The following HIVEP2 variants were observed in gnomAD, a reference collection of about 807,000 sequenced individuals.
HIVEP2 encodes HIVEP zinc finger 2, also known as transcription factor HIVEP2.
A neutral mutation model predicts 180.7 loss-of-function variants in HIVEP2; 14 were observed. That is an observed-to-expected ratio of 0.08 (90% confidence interval 0.05 to 0.12). The LOEUF is 0.12. Among genes scored for constraint, HIVEP2 ranks in the 10% least tolerant of loss-of-function variants. The pLI is 1.00. For missense variants in HIVEP2, 2,579 were observed against 3,008.5 expected (o/e 0.86, Z 3.34); for synonymous variants, 1,184 against 1,136.4 (o/e 1.04, Z -0.84).
chr6:142,870,223 T>A (rs769267891), intron 1 of HIVEP2, among the ~76,000 whole-genome samples: 4 of 152,042 alleles, frequency 2.6e-5, no homozygotes, highest in Non-Finnish European at 5.9e-5. Flanking sequence ...GAAGGACCCA[T>A]GGGTTGGAAT....
chr6:142,868,415 T>C (rs1342591814), intron 1 of HIVEP2, among the ~76,000 whole-genome samples: 1 of 152,190 alleles, frequency 6.6e-6, no homozygotes, highest in African/African-American at 2.4e-5. Context: ...TCGGGCCAAG[T>C]GAAATGTCTA....
intron 8 of HIVEP2, 121 bp from the exon 9 acceptor site, chr6:142,760,788 T>C (rs1383466723): frequency 1.5e-6 from 1 of 684,214 alleles, no homozygotes; most frequent in African/African-American, 1.8e-5. Context: ...GATAGTTATG[T>C]CTGAGAACTC....
At position 142,768,414 on chromosome 6, in the gene HIVEP2, A is replaced by C. The variant is rs1775427948; in HGVS notation, c.5310T>G (p.Thr1770=). Residue 1770 remains threonine (T), a synonymous_variant, in exon 6 of 10, where the codon ACT becomes ACG. Coordinates refer to ENST00000367603, the MANE Select transcript of HIVEP2 (RefSeq NM_006734.4). The part of the protein sequence containing the change: ...HGDKDIGSKQ[T]EPIRIKIFEG... Reference sequence around the variant, plus strand: ...CAAATATTTTAATTCGGATTGGCTCAGTTTGTTTGGATCCAATATCTTTAT... The same window carrying C: ...CAAATATTTTAATTCGGATTGGCTCCGTTTGTTTGGATCCAATATCTTTAT... 1 of 1,611,690 alleles carries C rather than the reference A, an allele frequency of 6.2e-7. No individual in the cohort carries two copies. Among genetic ancestry groups the C allele is most frequent in the Non-Finnish European group, 8.5e-7 (1 of 1,179,260 alleles).
intron 2 of HIVEP2, among the ~76,000 whole-genome samples, chr6:142,806,802 T>A (rs754733538): frequency 2.4e-4 from 37 of 152,278 alleles, no homozygotes; most frequent in African/African-American, 5.3e-4. Flanking sequence ...TCTCATTTAG[T>A]CATCAAAACA....
chr6:142,783,326 CA>C (rs567202980), intron 3 of HIVEP2, among the ~76,000 whole-genome samples, 194 bp downstream of exon 3: 167 of 70,938 alleles, frequency 2.4e-3, no homozygotes, highest in East Asian at 0.01. Flanking sequence ...GACTCCGTCA[CA>C]AAAAAAAAAA....
intron 1 of HIVEP2, among the ~76,000 whole-genome samples, chr6:142,874,579 T>G (rs1242949204): frequency 6.6e-6 from 1 of 152,044 alleles, no homozygotes; most frequent in Admixed American, 6.6e-5. Context: ...GCCTAAGGAC[T>G]AACAACTAGG....
At chr6:142,945,561 G>A (rs1288490597), upstream of HIVEP2, among the ~76,000 whole-genome samples, 11 of 152,102 alleles carry the variant, frequency 7.2e-5, no homozygotes, top group African/African-American at 2.7e-4. This position sits in a 1 kb window ranked among gnomAD's most constrained non-coding sequence, Gnocchi z 5.5. Context: ...CGCGCACCCC[G>A]AGGCTGCACC....
intron 1 of HIVEP2, among the ~76,000 whole-genome samples, chr6:142,913,711 G>A (rs978378331): frequency 6.6e-6 from 1 of 152,200 alleles, no homozygotes; most frequent in Non-Finnish European, 1.5e-5. Context: ...GTGGCCTTCA[G>A]AGGAAGTGAA....
At chr6:142,940,702 C>A (rs185559218) in intron 1 of HIVEP2, among the ~76,000 whole-genome samples, 105 of 152,338 alleles carry the variant, frequency 6.9e-4, no homozygotes, top group African/African-American at 2.5e-3. Context: ...AAGGCCTAAT[C>A]TACAGGAAAT....
chr6:142,755,532 T>C (rs197471), intron 9 of HIVEP2, among the ~76,000 whole-genome samples: 48,464 of 151,990 alleles, frequency 0.32, 8,181 homozygotes, highest in East Asian at 0.55. Context: ...CTGTTTTACT[T>C]CTGGCTGCTA....
Position 142,918,324 on chromosome 6 carries a change from G to T in HIVEP2, c.-641+26775C>A, listed in dbSNP as rs191517658. On this transcript the variant is annotated intron_variant, in intron 1 of 9. Transcript: ENST00000367603. ...GCCTCCCAAAGTGCTGAGATTAAAG[G>T]CCTGAGCCATCGCTCACAGCCCTAT... Among the ~76,000 whole-genome samples, 17 of 152,310 alleles carry T rather than the reference G, an allele frequency of 1.1e-4. No individual in the cohort carries two copies. In the East Asian group the frequency reaches 3.1e-3, roughly 28 times the overall value.
chr6:142,888,450 T>A (rs1776765262), intron 1 of HIVEP2, among the ~76,000 whole-genome samples: 1 of 152,064 alleles, frequency 6.6e-6, no homozygotes, highest in Non-Finnish European at 1.5e-5. Context: ...TATTTTTAAT[T>A]AAAAAAAATT....
chr6:142,925,531 T>C lies in HIVEP2; in HGVS notation c.-641+19568A>G, dbSNP rs117037957. On this transcript the variant is annotated intron_variant, in intron 1 of 9. Transcript: ENST00000367603. ...TTTTGTCAAGGAAAAAGGGAAAAGC[T>C]ACCCCAAAAAGACAAATTTCAAAAA... Among the ~76,000 whole-genome samples, 958 of 152,330 alleles carry C rather than the reference T, an allele frequency of 6.3e-3. 7 individuals carry two copies. Among genetic ancestry groups the C allele is most frequent in the Non-Finnish European group, 0.01 (699 of 68,016 alleles).
At chr6:142,856,380 G>GTACA (rs78624338) in intron 1 of HIVEP2, among the ~76,000 whole-genome samples, 26,886 of 152,108 alleles carry the variant, frequency 0.18, 2,555 homozygotes, top group South Asian at 0.22. Flanking sequence ...AGACTTCAAT[G>GTACA]TACAATACAT....
intron 2 of HIVEP2, among the ~76,000 whole-genome samples, chr6:142,793,218 C>T (rs1776183428): frequency 6.6e-6 from 1 of 152,102 alleles, no homozygotes. Context: ...TATGTATGAA[C>T]AGTAGATTTA....
At chr6:142,757,648 C>T (rs975683164) in intron 9 of HIVEP2, among the ~76,000 whole-genome samples, 1 of 152,044 alleles carries the variant, frequency 6.6e-6, no homozygotes, top group East Asian at 1.9e-4. Context: ...CAGAGCGAGA[C>T]TCCATCTCAA....
chr6:142,876,226 GT>G (rs1408652897), intron 1 of HIVEP2, among the ~76,000 whole-genome samples: 10 of 152,138 alleles, frequency 6.6e-5, no homozygotes, highest in Non-Finnish European at 1.5e-4. Flanking sequence ...ACTTAAGACA[GT>G]TAGTAAAGAT....
chr6:142,862,212 A>T (rs1277687537), intron 1 of HIVEP2, among the ~76,000 whole-genome samples: 1 of 152,066 alleles, frequency 6.6e-6, no homozygotes, highest in African/African-American at 2.4e-5. Flanking sequence ...GAATAAAGCA[A>T]TGTATTGTAC....
intron 8 of HIVEP2, 44 bp from the exon 9 acceptor site, chr6:142,760,711 T>A: frequency 7.3e-7 from 1 of 1,373,296 alleles, no homozygotes; most frequent in Non-Finnish European, 1.0e-6. Context: ...GATCCAAATA[T>A]CAAGGTTAGG....
Sources: gnomAD v4.1 joint callset for allele counts (sites outside exome capture counted in the v4.1 genomes callset) on GRCh38, gnomAD v4.1.1 for gene constraint, Gnocchi (gnomAD v3.1) non-coding constraint, MANE v1.5 for transcripts, NCBI Gene and HGNC (gene_info 2026-07-23, HGNC 2026-07-21) for gene names.